Variants in CNTNAP5 observed in about 807,000 individuals in gnomAD.
CNTNAP5 encodes contactin associated protein family member 5, also known as contactin-associated protein-like 5.
Under a neutral mutation model 150.2 loss-of-function variants are expected in CNTNAP5, and 72 were observed. The ratio of observed to expected loss-of-function variants is 0.48; its 90% CI spans 0.40 to 0.58. The LOEUF (loss-of-function observed/expected upper bound fraction) is 0.58. Among genes scored for constraint, CNTNAP5 ranks in the 20% least tolerant of loss-of-function variants. The pLI is 0.00. For synonymous variants in CNTNAP5, 672 were observed against 619.8 expected (o/e 1.08, Z -1.25); for missense variants, 1,636 against 1,626.2 (o/e 1.01, Z -0.10).
chr2:124,431,647 T>G lies in CNTNAP5; in HGVS notation c.530-2837T>G, dbSNP rs550490001. On this transcript the variant is annotated intron_variant, in intron 4 of 23. Coordinates refer to ENST00000682447, the MANE Select transcript of CNTNAP5 (RefSeq NM_001367498.1). ...AAACATTATATATAATTTCTTTATATAAACATTATATATAATTTCTTTATA... is the reference window on the plus strand; with the variant it reads ...AAACATTATATATAATTTCTTTATAGAAACATTATATATAATTTCTTTATA... 2.8e-3 allele frequency among the ~76,000 whole-genome samples: 411 copies of G among 146,440 alleles called. 2 individuals are homozygous for G. The highest frequency in any genetic ancestry group is 5.0e-3 in the Non-Finnish European group (332 of 66,326).
At chr2:124,221,521 G>A (rs1234488528) in intron 1 of CNTNAP5, among the ~76,000 whole-genome samples, 184 bp from the exon 2 acceptor site, 1 of 152,036 alleles carries the variant, frequency 6.6e-6, no homozygotes, top group African/African-American at 2.4e-5. Flanking sequence ...AAGAAAGCTG[G>A]ACCTGTCCTT....
chr2:124,408,362 C>G (rs1380005154), intron 3 of CNTNAP5, among the ~76,000 whole-genome samples: 1 of 150,430 alleles, frequency 6.6e-6, no homozygotes, highest in African/African-American at 2.4e-5. Context: ...CCGGGAAGCT[C>G]GGACTGGGTG....
intron 19 of CNTNAP5, among the ~76,000 whole-genome samples, chr2:124,803,690 C>T (rs1470867210): frequency 1.3e-5 from 2 of 152,128 alleles, no homozygotes; most frequent in African/African-American, 4.8e-5. Context: ...TTGCACACAC[C>T]TTGGAAGGAA....
At chr2:124,377,282 C>T (rs1690672577) in intron 3 of CNTNAP5, among the ~76,000 whole-genome samples, 1 of 152,176 alleles carries the variant, frequency 6.6e-6, no homozygotes, top group South Asian at 2.1e-4. Flanking sequence ...AAGGTCTCTT[C>T]CCATGTATTT....
chr2:124,865,108 C>A (rs774677540), intron 19 of CNTNAP5, among the ~76,000 whole-genome samples, 198 bp from the exon 20 acceptor site: 2 of 152,032 alleles, frequency 1.3e-5, no homozygotes, highest in South Asian at 4.2e-4. Context: ...CTCTCTCTCT[C>A]TGTCTCTCTA....
rs752274996 is a variant in CNTNAP5, at chr2:124,504,568, T to G, written c.1327+12T>G. 1 of 1,612,092 alleles carries G rather than the reference T, an allele frequency of 6.2e-7. No homozygotes were observed. Among genetic ancestry groups the G allele is most frequent in the Non-Finnish European group, 8.5e-7 (1 of 1,178,942 alleles). ...TGAAATCCTCACAGGTACTGTCTGCTGACACTCTGGATCAGCTTCTTGTTT... is the reference window on the plus strand; with the variant it reads ...TGAAATCCTCACAGGTACTGTCTGCGGACACTCTGGATCAGCTTCTTGTTT... On this transcript the variant is annotated intron_variant, in intron 8 of 23. Coordinates refer to ENST00000682447, the MANE Select transcript of CNTNAP5 (RefSeq NM_001367498.1).
intron 1 of CNTNAP5, among the ~76,000 whole-genome samples, chr2:124,064,507 G>A (rs1682103456): frequency 6.6e-6 from 1 of 151,958 alleles, no homozygotes; most frequent in Admixed American, 6.6e-5. Flanking sequence ...TGCATACCTG[G>A]ATCACTATTG....
At chr2:124,766,793 C>T (rs180999822) in intron 16 of CNTNAP5, among the ~76,000 whole-genome samples, 26 of 152,192 alleles carry the variant, frequency 1.7e-4, no homozygotes, top group Admixed American at 4.6e-4. Context: ...GTGTTAATTA[C>T]GTATCAATGT....
chr2:124,375,232 A>T (rs904796566), intron 3 of CNTNAP5, among the ~76,000 whole-genome samples: 3 of 151,586 alleles, frequency 2.0e-5, no homozygotes, highest in Non-Finnish European at 4.4e-5. Context: ...CTCTCCAAAG[A>T]TATTTATTAA....
At chr2:124,470,912 A>G (rs1039505732) in intron 6 of CNTNAP5, among the ~76,000 whole-genome samples, 6 of 151,850 alleles carry the variant, frequency 4.0e-5, no homozygotes, top group East Asian at 1.9e-4. Flanking sequence ...TCTCTATTCT[A>G]TGGTTCCATT....
At chr2:124,828,661 A>G (rs72848756) in intron 19 of CNTNAP5, among the ~76,000 whole-genome samples, 7,443 of 144,336 alleles carry the variant, frequency 0.052, 245 homozygotes, top group South Asian at 0.071. Flanking sequence ...CTCTATAAGT[A>G]TAAGGCAAAT....
chr2:124,326,677 C>T (rs769674964), intron 3 of CNTNAP5, among the ~76,000 whole-genome samples: 5 of 152,116 alleles, frequency 3.3e-5, no homozygotes, highest in Non-Finnish European at 7.3e-5. Context: ...GTAATCTCAG[C>T]ACTTTGGGAG....
intron 3 of CNTNAP5, among the ~76,000 whole-genome samples, chr2:124,275,703 C>T (rs34705326): frequency 0.017 from 2,583 of 152,152 alleles, 25 homozygotes; most frequent in South Asian, 0.033. Flanking sequence ...TACCTCTTTA[C>T]CATGGTTTTT....
chr2:124,761,878 C>T (rs1680962139), intron 14 of CNTNAP5, among the ~76,000 whole-genome samples: 1 of 152,084 alleles, frequency 6.6e-6, no homozygotes, highest in Non-Finnish European at 1.5e-5. Flanking sequence ...CACTTTGACA[C>T]AAAAACATCA....
At chr2:124,089,169 A>G (rs927611231) in intron 1 of CNTNAP5, among the ~76,000 whole-genome samples, 4 of 152,070 alleles carry the variant, frequency 2.6e-5, no homozygotes, top group African/African-American at 9.7e-5. Context: ...CAGTCTTCAT[A>G]TGCTTATTTT....
At chr2:124,614,789 C>G (rs1677459137) in intron 12 of CNTNAP5, among the ~76,000 whole-genome samples, 1 of 152,080 alleles carries the variant, frequency 6.6e-6, no homozygotes, top group African/African-American at 2.4e-5. Flanking sequence ...GTATCTTGTG[C>G]CACCCTCCTA....
At chr2:124,602,119 T>A (rs912136210) in intron 11 of CNTNAP5, among the ~76,000 whole-genome samples, 2 of 151,636 alleles carry the variant, frequency 1.3e-5, no homozygotes, top group Non-Finnish European at 2.9e-5. Flanking sequence ...CCGAGGCGGG[T>A]GGATCACGAC....
chr2:124,382,029 C>G (rs147720356), intron 3 of CNTNAP5, among the ~76,000 whole-genome samples: 1 of 152,184 alleles, frequency 6.6e-6, no homozygotes, highest in African/African-American at 2.4e-5. Context: ...TGTTTGCTTG[C>G]TTTGTGTTTG....
At position 124,917,756 on chromosome 2, in the gene CNTNAP5, A is replaced by C. The variant is rs2104775228; in HGVS notation, c.*3468A>C. 6.6e-6 allele frequency among the ~76,000 whole-genome samples: 1 copy of C among 152,224 alleles called. No homozygotes were observed. Among genetic ancestry groups the C allele is most frequent in the Middle Eastern group, 3.4e-3 (1 of 294 alleles). Reference sequence around the variant, plus strand: ...GGCTAGGCATTGGGTGAACATATATAAATTACACCTTGTTTTTGCCCTTGG... The same window carrying C: ...GGCTAGGCATTGGGTGAACATATATCAATTACACCTTGTTTTTGCCCTTGG... On this transcript the variant is annotated 3_prime_UTR_variant, in exon 24 of 24. Transcript: ENST00000682447.
Sources: allele counts gnomAD v4.1 joint callset (sites outside exome capture counted in the v4.1 genomes callset), GRCh38; gene constraint gnomAD v4.1.1; transcripts MANE v1.5; gene names NCBI Gene and HGNC (gene_info 2026-07-23, HGNC 2026-07-21).